The following NCAM1 variants were observed in gnomAD, a reference collection of about 807,000 sequenced individuals.
NCAM1 encodes the protein neural cell adhesion molecule 1, also known as antigen recognized by monoclonal antibody 5.1H11.
In NCAM1, 14 loss-of-function variants were observed where a neutral mutation model predicts 109.8. The observed-to-expected ratio is 0.13, with a 90% CI of 0.08 to 0.20. The LOEUF (loss-of-function observed/expected upper bound fraction) is 0.20, where lower values mean the gene tolerates loss of function less well. NCAM1 is among the 10% of genes least tolerant of loss of function. The probability of loss-of-function intolerance (pLI) is 1.00; values close to 1 mark genes in which losing one functional copy is unlikely to be tolerated. For missense variants in NCAM1, 774 were observed against 1,109.9 expected (o/e 0.70, Z 4.30); for synonymous variants, 418 against 442.9 (o/e 0.94, Z 0.70).
intron 8 of NCAM1, 115 bp downstream of exon 8, chr11:113,214,626 C>A: frequency 1.6e-6 from 2 of 1,222,628 alleles, no homozygotes; most frequent in Non-Finnish European, 2.2e-6. Context: ...TCACCAGAGG[C>A]CACAGCCAGA....
intron 1 of NCAM1, among the ~76,000 whole-genome samples, chr11:113,134,310 G>A (rs920044135): frequency 1.6e-4 from 24 of 151,998 alleles, no homozygotes; most frequent in African/African-American, 5.3e-4. Flanking sequence ...GCATGTAACC[G>A]GATTTTTTTT....
chr11:113,149,669 C>G lies in NCAM1; in HGVS notation c.53-52710C>G, dbSNP rs1329851332. 2.6e-5 allele frequency among the ~76,000 whole-genome samples: 4 copies of G among 152,132 alleles called. No homozygotes were observed. In the East Asian group the frequency reaches 5.8e-4, roughly 22 times the overall value. On this transcript the variant is annotated intron_variant, in intron 1 of 19. Coordinates refer to ENST00000316851, the MANE Select transcript of NCAM1 (RefSeq NM_181351.5). ...AGTGAGGAAAAATTTATTTTTTTAC[C>G]TTCACTTTTTAGTGTTTCGTTTAAT...
In NCAM1 at chr11:113,112,387, A is replaced by G. The variant is rs189464800; in HGVS notation, c.53-89992A>G. Among the ~76,000 whole-genome samples the G allele has an allele frequency of 5.8e-4, 89 of 152,330 alleles. No homozygotes were observed. The East Asian group carries it at 0.017, about 29-fold the overall frequency. ...CTAAAAGTAGATGGCAGAAAATAAA[A>G]TTGATTGTTTTCCTCATAAATTTGA... On this transcript the variant is annotated intron_variant, in intron 1 of 19. Transcript: ENST00000316851.
intron 1 of NCAM1, among the ~76,000 whole-genome samples, chr11:113,024,935 C>G (rs959064372): frequency 2.0e-5 from 3 of 152,180 alleles, no homozygotes; most frequent in Admixed American, 2.0e-4. Flanking sequence ...GTCTTCTGAA[C>G]CATCTGTTCA....
chr11:113,221,457 A>C, intron 9 of NCAM1, 132 bp downstream of exon 9: 2 of 917,990 alleles, frequency 2.2e-6, no homozygotes, highest in Non-Finnish European at 3.3e-6. Context: ...ATAGTGGTAG[A>C]CATTACTTAG....
At chr11:113,189,923 T>C (rs1328162927) in intron 1 of NCAM1, among the ~76,000 whole-genome samples, 3 of 150,884 alleles carry the variant, frequency 2.0e-5, no homozygotes, top group Non-Finnish European at 2.9e-5. Flanking sequence ...TCTCATTCCA[T>C]ATTCAATTTG....
chr11:113,014,791 C>T (rs573831594), intron 1 of NCAM1, among the ~76,000 whole-genome samples: 10 of 152,194 alleles, frequency 6.6e-5, no homozygotes, highest in Non-Finnish European at 1.3e-4. Flanking sequence ...ACAGCTGAGA[C>T]GTTAAGTGAA....
intron 14 of NCAM1, 168 bp from the exon 15 acceptor site, chr11:113,246,200 T>C: frequency 1.8e-6 from 1 of 554,698 alleles, no homozygotes; most frequent in Non-Finnish European, 3.2e-6. Flanking sequence ...TGTGATTTTG[T>C]TGTTGATTTT....
At chr11:112,994,401 G>T (rs1196440643) in intron 1 of NCAM1, among the ~76,000 whole-genome samples, 1 of 152,134 alleles carries the variant, frequency 6.6e-6, no homozygotes, top group Admixed American at 6.5e-5. Flanking sequence ...AAACTCATAG[G>T]ATCTTCTCAT....
chr11:113,000,911 G>T (rs1160789872), intron 1 of NCAM1, among the ~76,000 whole-genome samples: 2 of 150,136 alleles, frequency 1.3e-5, no homozygotes, highest in Admixed American at 6.6e-5. Context: ...ATGTATATGT[G>T]TATGTATATA....
intron 1 of NCAM1, among the ~76,000 whole-genome samples, chr11:113,093,080 A>G (rs1555089669): frequency 6.6e-6 from 1 of 152,190 alleles, no homozygotes; most frequent in Admixed American, 6.5e-5. Context: ...GACAATATAA[A>G]TGAAGAACAA....
chr11:113,173,591 GATATATATAT>G (rs5794851), intron 1 of NCAM1, among the ~76,000 whole-genome samples: 68,574 of 126,670 alleles, frequency 0.54, 19,414 homozygotes, highest in South Asian at 0.71. Context: ...CATGTTACCT[GATATATATAT>G]ATATATATAT....
intron 1 of NCAM1, among the ~76,000 whole-genome samples, chr11:113,197,854 C>A (rs1027445277): frequency 6.6e-6 from 1 of 152,188 alleles, no homozygotes. Context: ...CTTTGCCCAC[C>A]TCTTCTGATA....
chr11:113,234,317 C>T (rs1386764108), intron 13 of NCAM1, among the ~76,000 whole-genome samples: 1 of 150,942 alleles, frequency 6.6e-6, no homozygotes, highest in Admixed American at 6.6e-5. Context: ...ACATAACATA[C>T]ATTTTACGTT....
At chr11:113,235,758 AT>A (rs1945148308) in intron 14 of NCAM1, among the ~76,000 whole-genome samples, 1 of 152,124 alleles carries the variant, frequency 6.6e-6, no homozygotes, top group South Asian at 2.1e-4. Flanking sequence ...TTTCAAGAGA[AT>A]TGCTTCCCCC....
intron 1 of NCAM1, among the ~76,000 whole-genome samples, chr11:113,099,631 C>G (rs72995935): frequency 0.086 from 13,151 of 152,268 alleles, 748 homozygotes; most frequent in East Asian, 0.12. Flanking sequence ...AGGAAGAGCA[C>G]TGGTTCCCCA....
chr11:113,000,391 T>G (rs775732493), intron 1 of NCAM1, among the ~76,000 whole-genome samples: 1 of 152,020 alleles, frequency 6.6e-6, no homozygotes, highest in African/African-American at 2.4e-5. Context: ...TGGGGTAAGA[T>G]TGCCTCTTTT....
At chr11:113,198,929 G>T (rs117279587) in intron 1 of NCAM1, among the ~76,000 whole-genome samples, 2,146 of 152,242 alleles carry the variant, frequency 0.014, 92 homozygotes, top group Admixed American at 0.045. Context: ...ACTCAGAACT[G>T]TTTGATGAAA....
chr11:112,989,379 A>C (rs782575650), intron 1 of NCAM1, among the ~76,000 whole-genome samples: 1 of 152,036 alleles, frequency 6.6e-6, no homozygotes, highest in Non-Finnish European at 1.5e-5. Flanking sequence ...TTTCTTCTGC[A>C]TGATTGAGTC....
Sources: allele counts gnomAD v4.1 joint callset (sites outside exome capture counted in the v4.1 genomes callset), GRCh38; gene constraint gnomAD v4.1.1; transcripts MANE v1.5; gene names NCBI Gene and HGNC (gene_info 2026-07-23, HGNC 2026-07-21).